SNX29: variants seen among roughly 807,000 people sequenced by gnomAD.
SNX29 encodes the protein sorting nexin 29.
In SNX29, 78 loss-of-function variants were observed where a neutral mutation model predicts 102.1. The observed-to-expected ratio is 0.76, with a 90% CI of 0.64 to 0.92. The LOEUF is 0.92. Among genes scored for constraint, SNX29 ranks in the 40% least tolerant of loss-of-function variants. SNX29 has a pLI of 0.00. For missense variants in SNX29, 1,280 were observed against 1,061.7 expected, an observed-to-expected ratio of 1.21 and a Z score of -2.86; for synonymous variants, 580 against 414.5, an observed-to-expected ratio of 1.40 and a Z score of -4.85.
intron 10 of SNX29, among the ~76,000 whole-genome samples, chr16:12,077,666 G>T (rs60350516): frequency 0.18 from 26,732 of 151,988 alleles, 2,455 homozygotes; most frequent in East Asian, 0.25. Context: ...TTTGCCCGGG[G>T]CTGGAGTGCA....
At chr16:12,538,345 C>G (rs963789077) in intron 20 of SNX29, among the ~76,000 whole-genome samples, 4 of 152,156 alleles carry the variant, frequency 2.6e-5, no homozygotes, top group African/African-American at 4.8e-5. Context: ...TGGTCTCGGT[C>G]TTCCAAAGTG....
At chr16:12,207,345 G>A (rs1242159477) in intron 14 of SNX29, among the ~76,000 whole-genome samples, 1 of 152,116 alleles carries the variant, frequency 6.6e-6, no homozygotes, top group Non-Finnish European at 1.5e-5. Flanking sequence ...CTCCGGCCTA[G>A]GTGAAAGAGT....
intron 8 of SNX29, among the ~76,000 whole-genome samples, chr16:12,059,159 CTT>C (rs2050662350): frequency 1.3e-5 from 2 of 152,140 alleles, no homozygotes; most frequent in African/African-American, 4.8e-5. Context: ...CTGGCTTCAC[CTT>C]GTACTTGCAT....
At chr16:12,067,753 G>T (rs2051101571) in intron 9 of SNX29, among the ~76,000 whole-genome samples, 1 of 152,206 alleles carries the variant, frequency 6.6e-6, no homozygotes, top group African/African-American at 2.4e-5. Context: ...TTCCCAAAGT[G>T]GTGGGATTAC....
intron 13 of SNX29, among the ~76,000 whole-genome samples, chr16:12,196,622 CTT>C (rs34779383): frequency 1.1e-4 from 14 of 129,626 alleles, no homozygotes; most frequent in Non-Finnish European, 1.1e-4. Flanking sequence ...TTTCTTTTTT[CTT>C]TTTTTTTTTT....
At chr16:12,443,547 T>C (rs1380588920) in intron 18 of SNX29, among the ~76,000 whole-genome samples, 1 of 152,178 alleles carries the variant, frequency 6.6e-6, no homozygotes, top group Non-Finnish European at 1.5e-5. Context: ...CTGCCTCCCC[T>C]TCAAGCGATT....
chr16:12,552,705 T>A (rs1447523772), intron 20 of SNX29, among the ~76,000 whole-genome samples: 1 of 152,004 alleles, frequency 6.6e-6, no homozygotes, highest in Non-Finnish European at 1.5e-5. Context: ...AAGATTTAGA[T>A]TGGGGGACTG....
chr16:12,129,730 C>A lies in SNX29; in HGVS notation c.1567C>A (p.Gln523Lys). Reference sequence around the variant, plus strand: ...GAAGGTGGCTGAACAGGAGGAGCGGCAGGGCATGAAGGTCCAGGCGCTGGC... The same window carrying A: ...GAAGGTGGCTGAACAGGAGGAGCGGAAGGGCATGAAGGTCCAGGCGCTGGC... ...KRKVAEQEER[Q>K]GMKVQALARE... Residue 523 changes from glutamine to lysine, a missense_variant, in exon 13 of 21, where the codon CAG becomes AAG. Physicochemically the swap from Gln to Lys is moderately conservative, Grantham distance 53. Coordinates refer to ENST00000566228, the MANE Select transcript of SNX29 (RefSeq NM_032167.5). 1 of 1,609,502 alleles carries A rather than the reference C, an allele frequency of 6.2e-7. No homozygotes were observed. The highest frequency in any genetic ancestry group is 8.5e-7 in the Non-Finnish European group (1 of 1,178,910).
In SNX29 at chr16:12,572,282, G is replaced by C. The variant is rs1598142703; in HGVS notation, c.*3653G>C. 1 of 1,052,316 alleles carries C rather than the reference G, an allele frequency of 9.5e-7. No individual in the cohort carries two copies. Among genetic ancestry groups the C allele is most frequent in the East Asian group, 5.2e-5 (1 of 19,320 alleles). The allele number at this position is 1,052,316 out of a possible 1,614,324, so 65.2% of individuals were successfully genotyped here. On this transcript the variant is annotated 3_prime_UTR_variant, in exon 21 of 21. Coordinates refer to ENST00000566228, the MANE Select transcript of SNX29 (RefSeq NM_032167.5). The stretch of plus-strand genomic sequence containing the variant: ...TGGCTGTAGCTGATGCAACTAACAA[G>C]TACTGGGGCCAGTGATCACAATCCA...
At chr16:12,453,521 G>T (rs1210365150) in intron 18 of SNX29, among the ~76,000 whole-genome samples, 1 of 152,026 alleles carries the variant, frequency 6.6e-6, no homozygotes, top group African/African-American at 2.4e-5. Context: ...GGCTGTCATG[G>T]AGTCCAGCTG....
chr16:12,020,202 A>G (rs1012114714), intron 3 of SNX29, among the ~76,000 whole-genome samples: 2 of 151,590 alleles, frequency 1.3e-5, no homozygotes, highest in African/African-American at 4.9e-5. Context: ...GGCTCACTGT[A>G]GCCTCCGCTT....
intron 18 of SNX29, among the ~76,000 whole-genome samples, chr16:12,424,268 C>T (rs1286188256): frequency 6.6e-6 from 1 of 152,176 alleles, no homozygotes; most frequent in Non-Finnish European, 1.5e-5. Flanking sequence ...GGCCATTGCC[C>T]AAGGCCAGAG....
intron 20 of SNX29, among the ~76,000 whole-genome samples, chr16:12,566,767 G>C (rs115819636): frequency 2.0e-5 from 3 of 152,210 alleles, no homozygotes; most frequent in African/African-American, 7.2e-5. Context: ...ACCTAAAGGA[G>C]GAAAGCACAG....
intron 4 of SNX29, chr16:12,029,477 C>G: frequency 4.5e-6 from 2 of 444,116 alleles, no homozygotes; most frequent in Non-Finnish European, 9.0e-6. Flanking sequence ...ACCCAAGTAG[C>G]CAGTACAGAA....
Position 12,332,893 on chromosome 16 carries a change from A to T in SNX29, c.1783-23270A>T, listed in dbSNP as rs183588767. ...CCCTCGTCCTTCAAGCCTCACCTCC[A>T]AGCTCACTTCTCTCCTGGGCCCGCT... On this transcript the variant is annotated intron_variant, in intron 15 of 20. Transcript: ENST00000566228. Among the ~76,000 whole-genome samples, 803 of 151,592 alleles carry T rather than the reference A, an allele frequency of 5.3e-3. 4 individuals carry two copies. The highest frequency in any genetic ancestry group is 8.9e-3 in the Admixed American group (135 of 15,246).
chr16:12,103,891 GAT>G lies in SNX29; in HGVS notation c.1403-22741_1403-22740del, dbSNP rs2053123828. On this transcript the variant is annotated intron_variant, in intron 11 of 20. Coordinates refer to ENST00000566228, the MANE Select transcript of SNX29 (RefSeq NM_032167.5). ...ATTCTTAATGTTTCCTTGTCTCCATGATCATCCTTCTGTGATGTTTTTGTAAT... is the reference window on the plus strand; with the variant it reads ...ATTCTTAATGTTTCCTTGTCTCCATGCATCCTTCTGTGATGTTTTTGTAAT... Among the ~76,000 whole-genome samples the G allele has an allele frequency of 2.0e-5, 3 of 152,282 alleles. No homozygotes were observed. The South Asian group carries it at 6.2e-4, about 32-fold the overall frequency.
intron 15 of SNX29, among the ~76,000 whole-genome samples, chr16:12,311,734 G>C (rs536334467): frequency 6.6e-6 from 1 of 152,374 alleles, no homozygotes; most frequent in African/African-American, 2.4e-5. Context: ...AGTGTGAGCT[G>C]CTGGAGGCAG....
intron 14 of SNX29, among the ~76,000 whole-genome samples, chr16:12,228,548 C>G (rs1452731610): frequency 6.6e-6 from 1 of 152,250 alleles, no homozygotes; most frequent in Non-Finnish European, 1.5e-5. Flanking sequence ...AAGATATTTT[C>G]CTGCTTAAAA....
chr16:12,475,542 G>A (rs758607056), intron 18 of SNX29, among the ~76,000 whole-genome samples: 2 of 152,114 alleles, frequency 1.3e-5, no homozygotes, highest in Admixed American at 6.5e-5. Context: ...TGAAAATATC[G>A]TAAGTTGAAA....
Sources: gnomAD v4.1 joint callset for allele counts (sites outside exome capture counted in the v4.1 genomes callset) on GRCh38, gnomAD v4.1.1 for gene constraint, MANE v1.5 for transcripts, NCBI Gene and HGNC (gene_info 2026-07-23, HGNC 2026-07-21) for gene names.